The following CADPS2 variants were observed in gnomAD, a reference collection of about 807,000 sequenced individuals.
CADPS2 encodes the protein calcium-dependent secretion activator 2.
In CADPS2, 93 loss-of-function variants were observed where a neutral mutation model predicts 172.5. That is an observed-to-expected ratio of 0.54 (90% CI 0.46 to 0.64). The LOEUF (loss-of-function observed/expected upper bound fraction) is 0.64. Among genes scored for constraint, CADPS2 ranks in the 30% least tolerant of loss-of-function variants. The pLI, the probability that CADPS2 is intolerant of heterozygous loss-of-function variation, is 0.00. For missense variants in CADPS2, 1,420 were observed against 1,565.9 expected, an observed-to-expected ratio of 0.91 and a Z score of 1.57; for synonymous variants, 546 against 555.2, an observed-to-expected ratio of 0.98 and a Z score of 0.23.
chr7:122,726,132 T>C (rs2091058240), intron 2 of CADPS2, among the ~76,000 whole-genome samples: 1 of 151,882 alleles, frequency 6.6e-6, no homozygotes, highest in African/African-American at 2.4e-5. Flanking sequence ...AATGATCTTA[T>C]GAAAATAAGA....
chr7:122,845,839 A>G (rs1811849387), intron 1 of CADPS2, among the ~76,000 whole-genome samples: 2 of 152,330 alleles, frequency 1.3e-5, no homozygotes, highest in South Asian at 2.1e-4. Context: ...AAGTTATGGC[A>G]CCAATCTGAG....
intron 9 of CADPS2, among the ~76,000 whole-genome samples, chr7:122,491,665 A>T (rs1342193622): frequency 6.6e-6 from 1 of 152,150 alleles, no homozygotes; most frequent in East Asian, 1.9e-4. Context: ...TTTGGTGCTC[A>T]AGCTTCTATA....
At chr7:122,562,424 A>G (rs762798483) in intron 7 of CADPS2, among the ~76,000 whole-genome samples, 23 of 152,192 alleles carry the variant, frequency 1.5e-4, no homozygotes, top group Non-Finnish European at 2.1e-4. Flanking sequence ...ACCCGCAGAA[A>G]TGGGAAAAGG....
At chr7:122,434,939 A>G (rs1037962720) in intron 17 of CADPS2, among the ~76,000 whole-genome samples, 1 of 152,186 alleles carries the variant, frequency 6.6e-6, no homozygotes, top group African/African-American at 2.4e-5. Context: ...ACAGCTTCCA[A>G]GTAAGATTGG....
At chr7:122,540,284 G>C (rs1247354523) in intron 8 of CADPS2, among the ~76,000 whole-genome samples, 1 of 152,006 alleles carries the variant, frequency 6.6e-6, no homozygotes, top group Non-Finnish European at 1.5e-5. Context: ...AAATCTGAAA[G>C]CAATTTAGGA....
chr7:122,850,826 C>A (rs1400302847), intron 1 of CADPS2, among the ~76,000 whole-genome samples: 1 of 152,224 alleles, frequency 6.6e-6, no homozygotes, highest in East Asian at 1.9e-4. Context: ...TCCTCTATGG[C>A]ACTGGCATTG....
chr7:122,752,557 T>C lies in CADPS2; in HGVS notation c.340-15489A>G, dbSNP rs181464544. ...CATGAAGTAATGAAGAAAATGTCAA[T>C]ACATAGGGCAAATTTTACATAACCC... is the stretch of plus-strand genomic sequence containing the variant. On this transcript the variant is annotated intron_variant, in intron 1 of 29. Transcript: ENST00000449022. Among the ~76,000 whole-genome samples, 279 of 152,350 alleles carry C rather than the reference T, an allele frequency of 1.8e-3. 1 individual carries two copies. The highest frequency in any genetic ancestry group is 6.8e-3 in the Middle Eastern group (2 of 294).
intron 12 of CADPS2, among the ~76,000 whole-genome samples, chr7:122,476,661 C>T (rs2056652385): frequency 6.6e-6 from 1 of 151,988 alleles, no homozygotes; most frequent in East Asian, 1.9e-4. Context: ...CAAATACAGA[C>T]TCTACTCGGA....
At chr7:122,602,787 C>T (rs1455337911) in intron 6 of CADPS2, among the ~76,000 whole-genome samples, 7 of 152,078 alleles carry the variant, frequency 4.6e-5, no homozygotes, top group African/African-American at 1.7e-4. Flanking sequence ...TCAGATTTCC[C>T]TGTATCTGAA....
In CADPS2 at chr7:122,320,131, A is replaced by G. The variant is rs766599145; in HGVS notation, c.*34T>C. ...AAAAAAATAAAAAACAATGTCGATC[A>G]AGGTCTTCCTTCCTTCTGCAAAGCT... On this transcript the variant is annotated 3_prime_UTR_variant, in exon 30 of 30. Transcript: ENST00000449022. 1.3e-6 allele frequency: 2 copies of G among 1,510,148 alleles called. No individual in the cohort carries two copies. The highest frequency in any genetic ancestry group is 2.8e-5 in the African/African-American group (2 of 70,898). The allele number at this position is 1,510,148 out of a possible 1,614,324, so 93.5% of individuals were successfully genotyped here. A position where few individuals can be genotyped will look rare whatever the true frequency, so the allele number is the denominator to read the frequency against.
chr7:122,769,467 A>C (rs2093648888), intron 1 of CADPS2, among the ~76,000 whole-genome samples: 1 of 152,060 alleles, frequency 6.6e-6, no homozygotes, highest in South Asian at 2.1e-4. Context: ...TACGTCACCT[A>C]CATCCCCAAC....
At chr7:122,798,933 G>GTTCA (rs1167815543) in intron 1 of CADPS2, among the ~76,000 whole-genome samples, 1 of 151,962 alleles carries the variant, frequency 6.6e-6, no homozygotes, top group Non-Finnish European at 1.5e-5. Context: ...ACAGCTAGAT[G>GTTCA]TTCACCTGAT....
chr7:122,805,350 G>T, intron 1 of CADPS2, among the ~76,000 whole-genome samples: 1 of 152,052 alleles, frequency 6.6e-6, no homozygotes, highest in Non-Finnish European at 1.5e-5. Flanking sequence ...AGTAGAGATG[G>T]GTTTTCAGCA....
At chr7:122,802,146 TAA>T (rs1331666966) in intron 1 of CADPS2, among the ~76,000 whole-genome samples, 2 of 152,076 alleles carry the variant, frequency 1.3e-5, no homozygotes, top group Non-Finnish European at 2.9e-5. Context: ...CTCAAATAAG[TAA>T]AGAGTTTTCA....
At chr7:122,488,689 C>T (rs2058048874) in intron 11 of CADPS2, among the ~76,000 whole-genome samples, 1 of 152,106 alleles carries the variant, frequency 6.6e-6, no homozygotes, top group South Asian at 2.1e-4. Flanking sequence ...TTATGCAATC[C>T]CTCTGAAACT....
At chr7:122,749,393 C>T (rs1338653445) in intron 1 of CADPS2, among the ~76,000 whole-genome samples, 1 of 152,076 alleles carries the variant, frequency 6.6e-6, no homozygotes, top group Non-Finnish European at 1.5e-5. Flanking sequence ...AGGCAACTAG[C>T]ACTGCTGCTC....
intron 23 of CADPS2, among the ~76,000 whole-genome samples, chr7:122,387,462 A>G (rs190947653): frequency 6.6e-6 from 1 of 151,980 alleles, no homozygotes; most frequent in African/African-American, 2.4e-5. Flanking sequence ...CATTTAATGG[A>G]AAAAAAACTC....
intron 8 of CADPS2, among the ~76,000 whole-genome samples, chr7:122,550,699 T>TAGCC (rs1325069402): frequency 6.6e-6 from 1 of 152,190 alleles, no homozygotes; most frequent in Non-Finnish European, 1.5e-5. Flanking sequence ...TACTGTTACT[T>TAGCC]AGCCACTAGG....
chr7:122,415,948 G>A (rs572179456), intron 18 of CADPS2, 113 bp downstream of exon 18: 18 of 531,540 alleles, frequency 3.4e-5, no homozygotes, highest in African/African-American at 3.7e-5. Context: ...GTGCTTATTC[G>A]TTAAATGTTC....
Sources: allele counts gnomAD v4.1 joint callset (sites outside exome capture counted in the v4.1 genomes callset), GRCh38; gene constraint gnomAD v4.1.1; transcripts MANE v1.5; gene names NCBI Gene and HGNC (gene_info 2026-07-23, HGNC 2026-07-21).